Variants in SCN8A observed in about 807,000 individuals in gnomAD.
SCN8A encodes the protein sodium channel protein type 8 subunit alpha.
A neutral mutation model predicts 184.1 loss-of-function variants in SCN8A; 30 were observed. The ratio of observed to expected loss-of-function variants is 0.16; its 90% CI spans 0.12 to 0.22. SCN8A has a LOEUF of 0.22. Among genes scored for constraint, SCN8A ranks in the 10% least tolerant of loss-of-function variants. The pLI is 1.00. For synonymous variants in SCN8A, 852 were observed against 907.0 expected, an observed-to-expected ratio of 0.94 and a Z score of 1.09; for missense variants, 1,057 against 2,498.9, an observed-to-expected ratio of 0.42 and a Z score of 12.30.
intron 12 of SCN8A, among the ~76,000 whole-genome samples, chr12:51,734,074 T>G (rs1294650467): frequency 5.9e-5 from 9 of 152,234 alleles, no homozygotes; most frequent in Non-Finnish European, 1.2e-4. Context: ...ATTCATTTAT[T>G]TCTGCTCTGA....
At chr12:51,767,225 A>G (rs565915575) in intron 16 of SCN8A, among the ~76,000 whole-genome samples, 2 of 152,296 alleles carry the variant, frequency 1.3e-5, no homozygotes, top group African/African-American at 2.4e-5. Flanking sequence ...AACATTTTCA[A>G]GCCCTGACTT....
chr12:51,757,409 G>A (rs1942692982), intron 14 of SCN8A, among the ~76,000 whole-genome samples: 1 of 152,094 alleles, frequency 6.6e-6, no homozygotes, highest in African/African-American at 2.4e-5. Context: ...AACAGGAGCT[G>A]ACAAGCCCTT....
At chr12:51,780,377 T>C in intron 20 of SCN8A, 1 of 344,182 alleles carries the variant, frequency 2.9e-6, no homozygotes, top group Non-Finnish European at 5.4e-6. Context: ...GTGTATGTTC[T>C]ACCGCCTTCT....
intron 1 of SCN8A, among the ~76,000 whole-genome samples, chr12:51,657,923 C>T (rs1940854400): frequency 1.3e-5 from 2 of 152,044 alleles, no homozygotes; most frequent in South Asian, 4.1e-4. Flanking sequence ...ATTCAGTTGG[C>T]TATTAATATG....
intron 2 of SCN8A, among the ~76,000 whole-genome samples, chr12:51,666,625 A>G (rs1056740428): frequency 2.0e-5 from 3 of 152,196 alleles, no homozygotes; most frequent in African/African-American, 7.2e-5. Flanking sequence ...GGAATCCTTT[A>G]TCTTTTCCTC....
At chr12:51,798,204 T>C (rs1391553371) in intron 26 of SCN8A, among the ~76,000 whole-genome samples, 2 of 152,172 alleles carry the variant, frequency 1.3e-5, no homozygotes, top group African/African-American at 4.8e-5. Flanking sequence ...ATGAGGAACA[T>C]GGTAACACCA....
intron 26 of SCN8A, among the ~76,000 whole-genome samples, chr12:51,799,142 C>T (rs1471248438): frequency 6.6e-6 from 1 of 152,160 alleles, no homozygotes; most frequent in African/African-American, 2.4e-5. Flanking sequence ...TTGATCATAG[C>T]GAACTCCCCA....
intron 2 of SCN8A, among the ~76,000 whole-genome samples, chr12:51,666,636 A>G (rs892599622): frequency 6.6e-6 from 1 of 152,086 alleles, no homozygotes; most frequent in Non-Finnish European, 1.5e-5. Flanking sequence ...TCTTTTCCTC[A>G]TAGGTCTCAT....
intron 1 of SCN8A, among the ~76,000 whole-genome samples, chr12:51,649,937 G>A (rs766247387): frequency 6.6e-6 from 1 of 152,072 alleles, no homozygotes; most frequent in Non-Finnish European, 1.5e-5. Context: ...TTTACTCTCA[G>A]CTTCCCTTAT....
At chr12:51,684,737 G>A (rs1435007711) in intron 3 of SCN8A, among the ~76,000 whole-genome samples, 1 of 152,140 alleles carries the variant, frequency 6.6e-6, no homozygotes, top group Admixed American at 6.6e-5. Flanking sequence ...TGAGCAGTGA[G>A]CTTAGAAAGT....
At chr12:51,804,366 GC>G (rs886590520) in intron 26 of SCN8A, among the ~76,000 whole-genome samples, 2 of 148,534 alleles carry the variant, frequency 1.3e-5, no homozygotes, top group African/African-American at 5.0e-5. Context: ...TCTGCCTGTC[GC>G]CCAGGCTGGG....
chr12:51,796,754 A>G (rs1938421651), intron 26 of SCN8A, among the ~76,000 whole-genome samples: 1 of 152,174 alleles, frequency 6.6e-6, no homozygotes, highest in South Asian at 2.1e-4. Context: ...GTCTGGCCAA[A>G]GGCCAGAGAG....
chr12:51,694,374 G>A (rs1941559949), intron 6 of SCN8A, among the ~76,000 whole-genome samples: 1 of 152,190 alleles, frequency 6.6e-6, no homozygotes, highest in Non-Finnish European at 1.5e-5. Flanking sequence ...AACGTGACAG[G>A]AGATTCAGAA....
intron 2 of SCN8A, among the ~76,000 whole-genome samples, chr12:51,663,562 CTG>C (rs1940967776): frequency 6.6e-6 from 1 of 152,178 alleles, no homozygotes; most frequent in African/African-American, 2.4e-5. Context: ...AGGAATAAAA[CTG>C]AGTAAAGCAA....
At chr12:51,763,704 G>C (rs759422610) in intron 15 of SCN8A, among the ~76,000 whole-genome samples, 1 of 152,142 alleles carries the variant, frequency 6.6e-6, no homozygotes, top group Non-Finnish European at 1.5e-5. Flanking sequence ...AAACATAAGC[G>C]TAAGTGATAT....
At chr12:51,631,868 G>A (rs923196381) in intron 1 of SCN8A, among the ~76,000 whole-genome samples, 1 of 152,164 alleles carries the variant, frequency 6.6e-6, no homozygotes, top group Non-Finnish European at 1.5e-5. Context: ...ATTTTCAAAT[G>A]TTCCTTCCTG....
At chr12:51,686,978 C>T in intron 4 of SCN8A, 113 bp from the exon 5 acceptor site, 1 of 1,071,250 alleles carries the variant, frequency 9.3e-7, no homozygotes, top group Non-Finnish European at 1.4e-6. Context: ...TGGCTGTGCC[C>T]TTTCTGTTTT....
chr12:51,744,492 C>T (rs1036924328), intron 12 of SCN8A, among the ~76,000 whole-genome samples: 1 of 152,106 alleles, frequency 6.6e-6, no homozygotes, highest in Non-Finnish European at 1.5e-5. Context: ...GCAAGGAATT[C>T]CCAGGGAAAT....
intron 10 of SCN8A, among the ~76,000 whole-genome samples, chr12:51,706,136 A>G (rs1321369415): frequency 6.6e-6 from 1 of 152,178 alleles, no homozygotes; most frequent in Middle Eastern, 3.2e-3. Context: ...CTTAGCATTC[A>G]TTTCCAGACT....
Sources: allele counts gnomAD v4.1 joint callset (sites outside exome capture counted in the v4.1 genomes callset), GRCh38; gene constraint gnomAD v4.1.1; transcripts MANE v1.5; gene names NCBI Gene and HGNC (gene_info 2026-07-23, HGNC 2026-07-21).